Variants in PDE8B observed in about 807,000 individuals in gnomAD.
PDE8B encodes the protein high affinity cAMP-specific and IBMX-insensitive 3',5'-cyclic phosphodiesterase 8B.
PDE8B carries 26 observed loss-of-function variants against 101.3 expected under a neutral mutation model. That is an observed-to-expected ratio of 0.26 (90% CI 0.19 to 0.36). The LOEUF (loss-of-function observed/expected upper bound fraction) is 0.36. Ranked by LOEUF, PDE8B falls within the 10% of genes least tolerant of loss-of-function variation. The pLI is 1.00. For synonymous variants in PDE8B, 424 were observed against 429.3 expected (o/e 0.99, Z 0.15); for missense variants, 810 against 1,163.1 (o/e 0.70, Z 4.42).
Position 77,426,610 on chromosome 5 carries a change from G to T in PDE8B, c.*56G>T. 1 of 882,990 alleles carries T rather than the reference G, an allele frequency of 1.1e-6. No homozygotes were observed. Among genetic ancestry groups the T allele is most frequent in the Non-Finnish European group, 1.9e-6 (1 of 520,394 alleles). 54.7% of individuals were successfully genotyped at this position (882,990 alleles called of 1,614,324 possible). ...ACAAAGGACACTGTGAATCACAGTAGCGTAAACGAGAGGCCTTCCTTTCTA... is the reference window on the plus strand; with the variant it reads ...ACAAAGGACACTGTGAATCACAGTATCGTAAACGAGAGGCCTTCCTTTCTA... On this transcript the variant is annotated 3_prime_UTR_variant, in exon 22 of 22. Transcript: ENST00000264917.
chr5:77,389,510 C>G (rs1388025192), intron 10 of PDE8B, among the ~76,000 whole-genome samples: 2 of 152,194 alleles, frequency 1.3e-5, no homozygotes, highest in Non-Finnish European at 2.9e-5. Flanking sequence ...GGGAGCTGTT[C>G]CTATTTGGCC....
At chr5:77,139,577 A>C in the PDE8B span, 1 of 150,668 alleles carries the variant, frequency 6.6e-6, no homozygotes, top group East Asian at 2.0e-4. Context: ...TCATTCCAAA[A>C]CTCCTAGTGG....
the PDE8B span, among the ~76,000 whole-genome samples, chr5:77,124,189 GA>G: frequency 2.6e-5 from 4 of 151,844 alleles, no homozygotes; most frequent in Admixed American, 2.6e-4. Context: ...GACATATGAA[GA>G]AAAAGAAAAT....
chr5:77,138,333 G>A, the PDE8B span, among the ~76,000 whole-genome samples: 1 of 152,066 alleles, frequency 6.6e-6, no homozygotes, highest in Non-Finnish European at 1.5e-5. Flanking sequence ...AAATTTTTGG[G>A]ACAGGTGACA....
At chr5:77,388,599 G>C (rs1326009736) in intron 10 of PDE8B, among the ~76,000 whole-genome samples, 1 of 152,214 alleles carries the variant, frequency 6.6e-6, no homozygotes, top group Non-Finnish European at 1.5e-5. Context: ...CTTGCACGCT[G>C]TGCTGGGAGA....
chr5:77,373,784 A>G (rs1255543854), intron 10 of PDE8B, among the ~76,000 whole-genome samples: 2 of 152,170 alleles, frequency 1.3e-5, no homozygotes, highest in Non-Finnish European at 2.9e-5. Context: ...ATTGGTCAAT[A>G]TTATTCTAGT....
the PDE8B span, chr5:77,143,953 T>C: frequency 0.2 from 29,520 of 150,468 alleles, 3,704 homozygotes; most frequent in East Asian, 0.69. Context: ...CATACATCAG[T>C]ATTTGGGAAA....
chr5:77,292,037 C>T (rs1307523616), intron 1 of PDE8B, among the ~76,000 whole-genome samples: 2 of 150,810 alleles, frequency 1.3e-5, no homozygotes, highest in Non-Finnish European at 2.9e-5. Context: ...GCAACATTGG[C>T]AGCTTTAGTT....
At chr5:77,289,310 T>C (rs1279269317) in intron 1 of PDE8B, among the ~76,000 whole-genome samples, 1 of 152,246 alleles carries the variant, frequency 6.6e-6, no homozygotes, top group Non-Finnish European at 1.5e-5. Flanking sequence ...TTGTAAAGGC[T>C]TTTAACTTTT....
the PDE8B span, among the ~76,000 whole-genome samples, chr5:77,104,224 C>G: frequency 4.6e-5 from 7 of 152,154 alleles, no homozygotes; most frequent in African/African-American, 1.7e-4. Context: ...AGTAAGGAAC[C>G]ACGTGAAGGC....
intron 17 of PDE8B, among the ~76,000 whole-genome samples, chr5:77,416,701 T>C (rs1795636448): frequency 6.6e-6 from 1 of 152,144 alleles, no homozygotes; most frequent in Non-Finnish European, 1.5e-5. Flanking sequence ...CAGGGAAGCC[T>C]GCTAAACCAG....
At chr5:77,271,347 C>T (rs552945088) in intron 1 of PDE8B, among the ~76,000 whole-genome samples, 334 of 152,308 alleles carry the variant, frequency 2.2e-3, no homozygotes, top group Non-Finnish European at 4.0e-3. Flanking sequence ...CTACTTGCCA[C>T]CCTGGAAGGC....
upstream of PDE8B, among the ~76,000 whole-genome samples, chr5:77,206,036 G>C (rs949485078): frequency 7.9e-5 from 12 of 151,896 alleles, no homozygotes; most frequent in African/African-American, 2.9e-4. Flanking sequence ...GGCATTCACT[G>C]ACTTTAAAAA....
chr5:77,377,992 C>T (rs1343833198), intron 10 of PDE8B, among the ~76,000 whole-genome samples: 1 of 136,966 alleles, frequency 7.3e-6, no homozygotes, highest in African/African-American at 2.9e-5. Flanking sequence ...CGCTTGCTCG[C>T]TCTCTCCCTC....
chr5:77,296,447 G>A (rs1039092337), intron 1 of PDE8B, among the ~76,000 whole-genome samples: 1 of 151,932 alleles, frequency 6.6e-6, no homozygotes, highest in Non-Finnish European at 1.5e-5. Context: ...ACTTTTGGTA[G>A]AAATAGTGTC....
the PDE8B span, among the ~76,000 whole-genome samples, chr5:77,156,983 G>T: frequency 3.3e-5 from 5 of 152,076 alleles, no homozygotes; most frequent in African/African-American, 9.7e-5. Flanking sequence ...AAAGCATATG[G>T]TCTCTCCCAT....
the PDE8B span, among the ~76,000 whole-genome samples, chr5:77,150,100 T>C: frequency 1.1e-4 from 17 of 152,232 alleles, no homozygotes; most frequent in African/African-American, 4.1e-4. Flanking sequence ...CCAGTGTAGC[T>C]GTGGTGAACT....
At chr5:77,179,316 G>A in the PDE8B span, among the ~76,000 whole-genome samples, 1 of 152,180 alleles carries the variant, frequency 6.6e-6, no homozygotes, top group Admixed American at 6.5e-5. Flanking sequence ...CTTTCTGGAT[G>A]AGAAAGTCAG....
chr5:77,377,536 A>T (rs1333052861), intron 10 of PDE8B, among the ~76,000 whole-genome samples: 1 of 152,228 alleles, frequency 6.6e-6, no homozygotes, highest in Non-Finnish European at 1.5e-5. Context: ...AGATCCTAAA[A>T]AGTAGATGTG....
Sources: gnomAD v4.1 joint callset for allele counts (sites outside exome capture counted in the v4.1 genomes callset) on GRCh38, gnomAD v4.1.1 for gene constraint, MANE v1.5 for transcripts, NCBI Gene and HGNC (gene_info 2026-07-23, HGNC 2026-07-21) for gene names.